Variants in VSTM2A observed in about 807,000 individuals in gnomAD.
The protein encoded by VSTM2A is V-set and transmembrane domain-containing protein 2A.
In VSTM2A, 13 loss-of-function variants were observed where a neutral mutation model predicts 27.3. The ratio of observed to expected loss-of-function variants is 0.48; its 90% CI spans 0.31 to 0.76. VSTM2A has a LOEUF of 0.76. Ranked by LOEUF, VSTM2A falls within the 30% of genes least tolerant of loss-of-function variation. The pLI is 0.05. For synonymous variants in VSTM2A, 142 were observed against 125.7 expected (o/e 1.13, Z -0.87); for missense variants, 280 against 310.0 (o/e 0.90, Z 0.73).
At chr7:54,552,907 C>T (rs770581106) in intron 4 of VSTM2A, among the ~76,000 whole-genome samples, 2 of 152,202 alleles carry the variant, frequency 1.3e-5, no homozygotes, top group Non-Finnish European at 2.9e-5. Flanking sequence ...TAATCTTTGA[C>T]TTAGTTGACT....
At chr7:54,544,390 A>C (rs1787874935) in intron 1 of VSTM2A, among the ~76,000 whole-genome samples, 1 of 152,216 alleles carries the variant, frequency 6.6e-6, no homozygotes, top group South Asian at 2.1e-4. Context: ...CAAGCTTGTT[A>C]ACCTTTCCAT....
intron 4 of VSTM2A, chr7:54,554,154 C>T: frequency 2.6e-6 from 4 of 1,521,782 alleles, no homozygotes; most frequent in Non-Finnish European, 3.5e-6. Context: ...CCCACCCTCT[C>T]ACATCTCGTC....
intron 4 of VSTM2A, among the ~76,000 whole-genome samples, chr7:54,556,149 A>G (rs1015992190): frequency 2.0e-5 from 3 of 152,052 alleles, no homozygotes; most frequent in Non-Finnish European, 2.9e-5. Context: ...ATTGTTTCCA[A>G]TGTTGGGATG....
chr7:54,567,178 GA>G (rs887878394), intron 4 of VSTM2A, among the ~76,000 whole-genome samples: 2 of 152,036 alleles, frequency 1.3e-5, no homozygotes, highest in African/African-American at 4.8e-5. Flanking sequence ...TACTATATAG[GA>G]AAAAATCTTT....
intron 4 of VSTM2A, chr7:54,550,744 G>C (rs917410889): frequency 1.3e-5 from 2 of 153,464 alleles, no homozygotes; most frequent in African/African-American, 4.8e-5. Flanking sequence ...CTGTGAATTT[G>C]CCTTCCAGGC....
chr7:54,545,283 G>A (rs1389855352), intron 2 of VSTM2A, among the ~76,000 whole-genome samples: 1 of 151,752 alleles, frequency 6.6e-6, no homozygotes, highest in Non-Finnish European at 1.5e-5. Flanking sequence ...GATATGTGGG[G>A]TGTCGGGGAG....
rs202226834 is a variant in VSTM2A at position 54,550,068 on chromosome 7, G to T, written c.532G>T (p.Ala178Ser). ...QDMKPRKNVS[A>S]AIPSSIHGSA... Reference sequence around the variant, plus strand: ...TATGAAGCCCCGCAAGAACGTCTCCGCAGCCATCCCCAGCAGCATCCATGG... The same window carrying T: ...TATGAAGCCCCGCAAGAACGTCTCCTCAGCCATCCCCAGCAGCATCCATGG... The change falls in exon 4 of 5, where the codon GCA becomes TCA. Residue 178 changes from alanine to serine, a missense_variant. Coordinates refer to ENST00000402613, the MANE Select transcript of VSTM2A (RefSeq NM_001301009.2). 1 of 1,608,834 alleles carries T rather than the reference G, an allele frequency of 6.2e-7. No individual in the cohort carries two copies. The highest frequency in any genetic ancestry group is 1.1e-5 in the South Asian group (1 of 89,884).
chr7:54,560,216 T>G (rs1338517644), intron 4 of VSTM2A, among the ~76,000 whole-genome samples: 1 of 152,152 alleles, frequency 6.6e-6, no homozygotes, highest in African/African-American at 2.4e-5. Flanking sequence ...CTTAAAAATA[T>G]CTACACATGT....
chr7:54,544,602 G>A lies in VSTM2A; in HGVS notation c.80-20G>A. ...AAGAGGGGTGTGGATATTCCAACAGGATGCCTTTCTGTTTTGCAGCAAAAT... is the reference window on the plus strand; with the variant it reads ...AAGAGGGGTGTGGATATTCCAACAGAATGCCTTTCTGTTTTGCAGCAAAAT... On this transcript the variant is annotated intron_variant, in intron 1 of 4. Transcript: ENST00000402613. The A allele has an allele frequency of 6.2e-7, 1 of 1,612,798 alleles. No individual in the cohort carries two copies. Among genetic ancestry groups the A allele is most frequent in the South Asian group, 1.1e-5 (1 of 91,088 alleles).
intron 4 of VSTM2A, among the ~76,000 whole-genome samples, chr7:54,561,909 T>C (rs954335199): frequency 3.4e-5 from 5 of 149,074 alleles, no homozygotes; most frequent in Non-Finnish European, 5.9e-5. Context: ...TAAAAATTAG[T>C]TTTTTAGTTT....
Position 54,542,804 on chromosome 7 carries a change from C to T in VSTM2A, c.74C>T (p.Ser25Phe). Residue 25 changes from serine (S) to phenylalanine (F), a missense_variant, in exon 1 of 5, where the codon TCT becomes TTT. By Grantham distance (155) the Ser-to-Phe change is radical. Transcript: ENST00000402613. ...SVLYVQQGLS[S>F]QAKFTEFPRN... ...TTATATGTACAACAAGGGCTTTCTTCTCAAGGTAAGTCTTGCTCAATGGCA... is the reference window on the plus strand; with the variant it reads ...TTATATGTACAACAAGGGCTTTCTTTTCAAGGTAAGTCTTGCTCAATGGCA... 6.2e-7 allele frequency: 1 copy of T among 1,613,698 alleles called. No individual in the cohort carries two copies. Among genetic ancestry groups the T allele is most frequent in the Non-Finnish European group, 8.5e-7 (1 of 1,179,724 alleles).
intron 3 of VSTM2A, among the ~76,000 whole-genome samples, chr7:54,548,258 A>T (rs1584047653): frequency 1.3e-5 from 2 of 152,302 alleles, no homozygotes; most frequent in African/African-American, 4.8e-5. Flanking sequence ...ATGATTACAC[A>T]CACAACTGTT....
chr7:54,569,440 G>A lies in VSTM2A; in HGVS notation c.*221G>A. ...TCAAGGGTTGGCCTGAATGTCATCA[G>A]GATAGGGAATATTTACTATGGATAC... On this transcript the variant is annotated 3_prime_UTR_variant, in exon 5 of 5. Coordinates refer to ENST00000402613, the MANE Select transcript of VSTM2A (RefSeq NM_001301009.2). The A allele has an allele frequency of 1.4e-6, 1 of 717,452 alleles. No homozygotes were observed. The highest frequency in any genetic ancestry group is 2.0e-5 in the South Asian group (1 of 49,818). The allele number at this position is 717,452 out of a possible 1,614,324, so 44.4% of individuals were successfully genotyped here.
At chr7:54,544,872 T>G in intron 2 of VSTM2A, 84 bp downstream of exon 2, 1 of 1,446,924 alleles carries the variant, frequency 6.9e-7, no homozygotes, top group Non-Finnish European at 9.2e-7. Flanking sequence ...GCCGAGGTGC[T>G]GCCTGGACAC....
chr7:54,546,817 G>GCCCCTGGTAGCTCCCCTGT, intron 2 of VSTM2A, 130 bp from the exon 3 acceptor site: 1 of 1,147,644 alleles, frequency 8.7e-7, no homozygotes, highest in Admixed American at 2.5e-5. Flanking sequence ...GGGTGGCCAC[G>GCCCCTGGTAGCTCCCCTGT]CCCCTGGTCG....
chr7:54,545,341 G>C (rs919536606), intron 2 of VSTM2A, among the ~76,000 whole-genome samples: 1 of 149,878 alleles, frequency 6.7e-6, no homozygotes, highest in Admixed American at 6.6e-5. Context: ...GAGAGAAGGA[G>C]AGAAGAAAGG....
chr7:54,562,230 T>C (rs59129005), intron 4 of VSTM2A, among the ~76,000 whole-genome samples: 3,287 of 152,312 alleles, frequency 0.022, 112 homozygotes, highest in African/African-American at 0.074. Flanking sequence ...CCTTTAGTTT[T>C]TATATTTATA....
chr7:54,566,825 G>A (rs952193472), intron 4 of VSTM2A, among the ~76,000 whole-genome samples: 3 of 152,198 alleles, frequency 2.0e-5, no homozygotes, highest in Non-Finnish European at 2.9e-5. Context: ...GGCTCTGCGT[G>A]TCTCACAAAA....
Position 54,570,787 on chromosome 7 carries a change from C to T in VSTM2A, c.*1568C>T, listed in dbSNP as rs560258392. On this transcript the variant is annotated 3_prime_UTR_variant, in exon 5 of 5. Transcript: ENST00000402613. Reference sequence around the variant, plus strand: ...CCTTCCAGAGAGACTCTTCCATTTTCTCTCATTACAAAACCAGAAGATCAG... The same window carrying T: ...CCTTCCAGAGAGACTCTTCCATTTTTTCTCATTACAAAACCAGAAGATCAG... 2.0e-5 allele frequency: 3 copies of T among 152,252 alleles called. No individual in the cohort carries two copies. In the East Asian group the frequency reaches 5.8e-4, roughly 29 times the overall value. 9.4% of individuals were successfully genotyped at this position (152,252 alleles called of 1,614,324 possible). A position where few individuals can be genotyped will look rare whatever the true frequency, so the allele number is the denominator to read the frequency against.
Sources: allele counts gnomAD v4.1 joint callset (sites outside exome capture counted in the v4.1 genomes callset), GRCh38; gene constraint gnomAD v4.1.1; transcripts MANE v1.5; gene names NCBI Gene and HGNC (gene_info 2026-07-23, HGNC 2026-07-21).